Variants in IRS1 observed in about 807,000 individuals in gnomAD.
IRS1 encodes insulin receptor substrate 1.
Under a neutral mutation model 65.6 loss-of-function variants are expected in IRS1, and 34 were observed. The observed-to-expected ratio is 0.52, with a 90% CI of 0.39 to 0.69. The LOEUF (loss-of-function observed/expected upper bound fraction) is 0.69, where lower values mean the gene tolerates loss of function less well. IRS1 is among the 30% of genes least tolerant of loss of function. The pLI is 0.00. For synonymous variants in IRS1, 699 were observed against 683.5 expected (o/e 1.02, Z -0.35); for missense variants, 1,641 against 1,720.2 (o/e 0.95, Z 0.81).
intron 1 of IRS1, among the ~76,000 whole-genome samples, chr2:226,775,126 G>A (rs966518809): frequency 6.6e-6 from 1 of 152,160 alleles, no homozygotes; most frequent in Admixed American, 6.5e-5. Context: ...ATCCCAGGAT[G>A]GAATGCAGAA....
intron 1 of IRS1, among the ~76,000 whole-genome samples, chr2:226,758,015 A>T (rs1938839935): frequency 1.3e-5 from 2 of 152,224 alleles, no homozygotes; most frequent in Non-Finnish European, 2.9e-5. Flanking sequence ...ATTTGCCAAA[A>T]CATTTATGTG....
chr2:226,744,221 C>T (rs1224314211), intron 1 of IRS1, among the ~76,000 whole-genome samples: 2 of 152,124 alleles, frequency 1.3e-5, no homozygotes, highest in African/African-American at 2.4e-5. Context: ...TCCTACTCAC[C>T]GCAAGTTTTA....
rs200943233 is a variant in IRS1, at chr2:226,743,160, G to GA, written c.*22-6911dup. The stretch of plus-strand genomic sequence containing the variant: ...ACAGATTCAAGGTAAAAGGACTTAG[G>GA]AAAAAAAAACAAAAAAAAAAAGTCC... On this transcript the variant is annotated intron_variant, in intron 1 of 1. Coordinates refer to ENST00000305123, the MANE Select transcript of IRS1 (RefSeq NM_005544.3). Among the ~76,000 whole-genome samples, 474 of 134,150 alleles carry GA rather than the reference G, an allele frequency of 3.5e-3. 2 individuals carry two copies. The highest frequency in any genetic ancestry group is 8.6e-3 in the African/African-American group (309 of 36,128). The allele number at this position is 134,150 out of a possible 152,430, so 88.0% of individuals were successfully genotyped here.
At chr2:226,759,035 T>C (rs1938861654) in intron 1 of IRS1, among the ~76,000 whole-genome samples, 1 of 152,204 alleles carries the variant, frequency 6.6e-6, no homozygotes, top group South Asian at 2.1e-4. Flanking sequence ...AGAGTATGAC[T>C]CATAGAGGCC....
In IRS1 at chr2:226,796,494, A is replaced by C. The variant is rs1939729352; in HGVS notation, c.2245T>G (p.Cys749Gly). 1.2e-6 allele frequency: 2 copies of C among 1,613,902 alleles called. No individual in the cohort carries two copies. The highest frequency in any genetic ancestry group is 2.2e-5 in the East Asian group (1 of 44,868). ...TGGGGGTCCTCAGGGCCGTAGTAGC[A>C]GTCGGAGGGGCTGCTGGTGTTGGAG... is the stretch of plus-strand genomic sequence containing the variant. ...GDSNTSSPSDCYYGPEDPQHK... is the reference protein window; with the variant it reads ...GDSNTSSPSDGYYGPEDPQHK... Residue 749 changes from cysteine (C) to glycine (G), a missense_variant, in exon 1 of 2, where the codon TGC becomes GGC. Cys to Gly is a radical substitution (Grantham distance 159, BLOSUM62 -3). Around this residue, in one of 3 missense-constraint regions of IRS1, gnomAD observed 1,324 missense variants for 1,361.0 expected, o/e 0.97. Coordinates refer to ENST00000305123, the MANE Select transcript of IRS1 (RefSeq NM_005544.3).
chr2:226,749,707 T>G (rs1255190657), intron 1 of IRS1, among the ~76,000 whole-genome samples: 1 of 152,118 alleles, frequency 6.6e-6, no homozygotes, highest in Non-Finnish European at 1.5e-5. Flanking sequence ...TTCAACTTAG[T>G]CCATTTTTCC....
At position 226,795,903 on chromosome 2, in the gene IRS1, G is replaced by C. The variant is rs765722350; in HGVS notation, c.2836C>G (p.Leu946Val). The change falls in exon 1 of 2, where the codon CTG becomes GTG. Residue 946 changes from leucine (L) to valine (V), a missense_variant. Coordinates refer to ENST00000305123, the MANE Select transcript of IRS1 (RefSeq NM_005544.3). ...TGTEEYMKMDLGPGRRAAWQE... is the reference protein window; with the variant it reads ...TGTEEYMKMDVGPGRRAAWQE... Reference sequence around the variant, plus strand: ...CAGGCTGCCCTCCGGCCCGGCCCCAGGTCCATCTTCATGTACTCCTCAGTG... The same window carrying C: ...CAGGCTGCCCTCCGGCCCGGCCCCACGTCCATCTTCATGTACTCCTCAGTG... The C allele has an allele frequency of 6.2e-7, 1 of 1,613,940 alleles. No individual in the cohort carries two copies. Among genetic ancestry groups the C allele is most frequent in the South Asian group, 1.1e-5 (1 of 91,090 alleles).
At chr2:226,742,990 C>G in intron 1 of IRS1, among the ~76,000 whole-genome samples, 1 of 152,244 alleles carries the variant, frequency 6.6e-6, no homozygotes, top group African/African-American at 2.4e-5. Flanking sequence ...ATATCCACTT[C>G]TGTTATTTCC....
intron 1 of IRS1, among the ~76,000 whole-genome samples, chr2:226,758,103 G>T (rs541247651): frequency 7.2e-5 from 11 of 152,320 alleles, no homozygotes; most frequent in Middle Eastern, 3.4e-3. Flanking sequence ...GGATTAAAAA[G>T]TGGAGAGACA....
chr2:226,790,196 T>G (rs1939562782), intron 1 of IRS1, among the ~76,000 whole-genome samples: 2 of 152,258 alleles, frequency 1.3e-5, no homozygotes, highest in African/African-American at 4.8e-5. Context: ...CCAGAGAAAT[T>G]AAGTGACTTG....
chr2:226,766,159 A>ATTTTTTTTTTTTTTTTTT (rs1433312154), intron 1 of IRS1, among the ~76,000 whole-genome samples: 1 of 5,764 alleles, frequency 1.7e-4, no homozygotes, highest in Non-Finnish European at 3.9e-4. Flanking sequence ...ATATATATAT[A>ATTTTTTTTTTTTTTTTTT]TATATTTTTT....
intron 1 of IRS1, among the ~76,000 whole-genome samples, chr2:226,776,849 T>A (rs1039356502): frequency 2.6e-5 from 4 of 152,174 alleles, no homozygotes; most frequent in African/African-American, 9.7e-5. Flanking sequence ...GAGGCTGCAG[T>A]GAGCCAAGAT....
At chr2:226,751,513 A>T (rs112059616) in intron 1 of IRS1, among the ~76,000 whole-genome samples, 2 of 151,840 alleles carry the variant, frequency 1.3e-5, no homozygotes, top group African/African-American at 4.8e-5. Context: ...TCGATCTCCT[A>T]ACCTCGTGAT....
At chr2:226,784,606 A>G (rs1939452963) in intron 1 of IRS1, among the ~76,000 whole-genome samples, 1 of 152,042 alleles carries the variant, frequency 6.6e-6, no homozygotes, top group African/African-American at 2.4e-5. Context: ...TATTTTTAGT[A>G]GAGACGGGGT....
At chr2:226,784,544 TC>T (rs1268969484) in intron 1 of IRS1, among the ~76,000 whole-genome samples, 2 of 152,190 alleles carry the variant, frequency 1.3e-5, no homozygotes, top group East Asian at 3.8e-4. Flanking sequence ...CGCCTGAGCC[TC>T]CCGAGTAGCT....
chr2:226,736,798 G>GA (rs2106156296), intron 1 of IRS1, among the ~76,000 whole-genome samples: 1 of 152,164 alleles, frequency 6.6e-6, no homozygotes, highest in East Asian at 1.9e-4. Context: ...CATTAAATAA[G>GA]AAAACAAAAA....
chr2:226,769,006 A>G (rs1939113035), intron 1 of IRS1, among the ~76,000 whole-genome samples: 1 of 152,208 alleles, frequency 6.6e-6, no homozygotes, highest in African/African-American at 2.4e-5. Flanking sequence ...ATTCTCTAAC[A>G]ACAATGTTGT....
rs370373307 is a variant in IRS1 at position 226,795,896 on chromosome 2, G to C, written c.2843C>G (p.Pro948Arg). Residue 948 changes from proline to arginine, a missense_variant, in exon 1 of 2, where the codon CCG becomes CGG. This residue lies in a region of IRS1 where 1,324 missense variants were observed against 1,361.0 expected (regional missense o/e 0.97). Transcript: ENST00000305123. ...TEEYMKMDLG[P>R]GRRAAWQEST... ...CTCCTGCCAGGCTGCCCTCCGGCCCGGCCCCAGGTCCATCTTCATGTACTC... is the reference window on the plus strand; with the variant it reads ...CTCCTGCCAGGCTGCCCTCCGGCCCCGCCCCAGGTCCATCTTCATGTACTC... 1.9e-6 allele frequency: 3 copies of C among 1,613,834 alleles called. No homozygotes were observed. The highest frequency in any genetic ancestry group is 1.1e-5 in the South Asian group (1 of 91,084).
In IRS1 at chr2:226,796,825, C is replaced by T. The variant is rs376073400; in HGVS notation, c.1914G>A (p.Lys638=). 4.5e-5 allele frequency: 70 copies of T among 1,561,414 alleles called. No homozygotes were observed. Among genetic ancestry groups the T allele is most frequent in the Non-Finnish European group, 5.6e-5 (64 of 1,151,616 alleles). The change falls in exon 1 of 2, where the codon AAG becomes AAA. Residue 638 remains lysine, a synonymous_variant. Coordinates refer to ENST00000305123, the MANE Select transcript of IRS1 (RefSeq NM_005544.3). ...TGATCTGCTGTGGGGCAGATACGCTCTTGGGGCTCATGGGCATATAGTCTC... is the reference window on the plus strand; with the variant it reads ...TGATCTGCTGTGGGGCAGATACGCTTTTGGGGCTCATGGGCATATAGTCTC... ...GSGDYMPMSP[K]SVSAPQQIIN...
Sources: gnomAD v4.1 joint callset for allele counts (sites outside exome capture counted in the v4.1 genomes callset) on GRCh38, gnomAD v4.1.1 for gene constraint, gnomAD v4.1.1 regional missense constraint, MANE v1.5 for transcripts, NCBI Gene and HGNC (gene_info 2026-07-23, HGNC 2026-07-21) for gene names.